RMND1: variants seen among roughly 807,000 people sequenced by gnomAD.
RMND1 encodes required for meiotic nuclear division 1 homolog.
A neutral mutation model predicts 54.0 loss-of-function variants in RMND1; 41 were observed. That is an observed-to-expected ratio of 0.76 (90% CI 0.59 to 0.98). RMND1 has a LOEUF of 0.98. Ranked by LOEUF, RMND1 falls within the 50% of genes least tolerant of loss-of-function variation. The pLI is 0.00. For missense variants in RMND1, 457 were observed against 532.0 expected, an observed-to-expected ratio of 0.86 and a Z score of 1.39; for synonymous variants, 183 against 181.7, an observed-to-expected ratio of 1.01 and a Z score of -0.06.
chr6:151,413,703 G>T lies in RMND1; in HGVS notation c.1200+3576C>A, dbSNP rs1459175773. The T allele has an allele frequency of 2.0e-5, 3 of 152,226 alleles. No homozygotes were observed. In the East Asian group the frequency reaches 5.8e-4, roughly 29 times the overall value. 9.4% of individuals were successfully genotyped at this position (152,226 alleles called of 1,614,324 possible). A position where few individuals can be genotyped will look rare whatever the true frequency, so the allele number is the denominator to read the frequency against. ...CACAGTCGACAACCAGGAAAGTCCAGTGCTTTTCATGTTTGACCAGACAGT... is the reference window on the plus strand; with the variant it reads ...CACAGTCGACAACCAGGAAAGTCCATTGCTTTTCATGTTTGACCAGACAGT... On this transcript the variant is annotated intron_variant, in intron 10 of 11. Coordinates refer to ENST00000444024, the MANE Select transcript of RMND1 (RefSeq NM_017909.4).
intron 10 of RMND1, among the ~76,000 whole-genome samples, chr6:151,407,932 T>C (rs1444948216): frequency 2.0e-5 from 3 of 151,964 alleles, no homozygotes; most frequent in African/African-American, 7.3e-5. Flanking sequence ...AAAGTCACTA[T>C]TACCACAGCA....
chr6:151,444,973 G>GT (rs551276395), intron 2 of RMND1: 136 of 197,806 alleles, frequency 6.9e-4, no homozygotes, highest in East Asian at 9.3e-4. Context: ...TTTCTAGTTT[G>GT]TTTTTTTTTA....
chr6:151,445,523 T>G lies in RMND1; in HGVS notation c.289A>C (p.Thr97Pro). 1 of 1,614,244 alleles carries G rather than the reference T, an allele frequency of 6.2e-7. No homozygotes were observed. The highest frequency in any genetic ancestry group is 8.5e-7 in the Non-Finnish European group (1 of 1,180,042). Residue 97 changes from threonine (T) to proline (P), a missense_variant, in exon 2 of 12, where the codon ACC becomes CCC. Thr to Pro is a conservative substitution (Grantham distance 38). Transcript: ENST00000444024. ...CTGTGAGTACCAAAGGATTTCATGG[T>G]TGGAAGGTGTGCCTTTTCATCTTGG... The part of the protein sequence containing the change: ...RCQDEKAHLP[T>P]MKSFGTHRRV...
chr6:151,446,136 G>A (rs543944576), intron 1 of RMND1: 1 of 237,194 alleles, frequency 4.2e-6, no homozygotes, highest in Non-Finnish European at 8.3e-6. Flanking sequence ...ATAAAAATCT[G>A]TGCTGGCCAG....
At chr6:151,407,762 T>C (rs1380768515) in intron 10 of RMND1, among the ~76,000 whole-genome samples, 1 of 151,792 alleles carries the variant, frequency 6.6e-6, no homozygotes, top group African/African-American at 2.4e-5. Flanking sequence ...AAAAAAATTA[T>C]CCGGGTGTTG....
At chr6:151,419,988 C>G (rs1186623093) in intron 9 of RMND1, among the ~76,000 whole-genome samples, 1 of 151,610 alleles carries the variant, frequency 6.6e-6, no homozygotes, top group Non-Finnish European at 1.5e-5. Context: ...GTTTTTTAAT[C>G]TAATATTATC....
chr6:151,415,920 G>GA (rs1181981465), intron 10 of RMND1, among the ~76,000 whole-genome samples: 1 of 152,118 alleles, frequency 6.6e-6, no homozygotes, highest in African/African-American at 2.4e-5. Flanking sequence ...CGGGTAGGGG[G>GA]AGGGCAGTGT....
At chr6:151,431,697 C>T (rs1780451626) in intron 4 of RMND1, among the ~76,000 whole-genome samples, 1 of 151,836 alleles carries the variant, frequency 6.6e-6, no homozygotes, top group African/African-American at 2.4e-5. Context: ...CAATACACAG[C>T]AAAATTCAAA....
At chr6:151,450,577 TG>T (rs555121094) in intron 1 of RMND1, among the ~76,000 whole-genome samples, 22 of 111,620 alleles carry the variant, frequency 2.0e-4, no homozygotes, top group South Asian at 6.6e-4. Context: ...GGGAGGGAGG[TG>T]GGGGGGTCAG....
chr6:151,412,916 C>CA (rs1562784411), intron 10 of RMND1, among the ~76,000 whole-genome samples: 2 of 152,004 alleles, frequency 1.3e-5, no homozygotes, highest in African/African-American at 4.8e-5. Flanking sequence ...GTCACCCCCC[C>CA]ACCAGGACCC....
chr6:151,433,304 G>T, intron 3 of RMND1, 74 bp from the exon 4 acceptor site: 1 of 864,944 alleles, frequency 1.2e-6, no homozygotes, highest in Non-Finnish European at 1.9e-6. Context: ...TATAAACACT[G>T]TAATAAAGTA....
At chr6:151,423,088 G>A (rs1005059163) in intron 7 of RMND1, among the ~76,000 whole-genome samples, 5 of 152,128 alleles carry the variant, frequency 3.3e-5, no homozygotes, top group African/African-American at 4.8e-5. Context: ...AGTTTTATTC[G>A]GGATGTGGAT....
At chr6:151,416,388 T>C (rs990166775) in intron 10 of RMND1, among the ~76,000 whole-genome samples, 4 of 151,648 alleles carry the variant, frequency 2.6e-5, no homozygotes, top group Non-Finnish European at 5.9e-5. Flanking sequence ...TTCTATGCTC[T>C]TTCCCCATGT....
Position 151,405,169 on chromosome 6 carries a change from C to G in RMND1, c.*66G>C. On this transcript the variant is annotated 3_prime_UTR_variant, in exon 12 of 12. Coordinates refer to ENST00000444024, the MANE Select transcript of RMND1 (RefSeq NM_017909.4). ...ACAGGCATGAGGCACCGCGCCGGGC[C>G]GAACATTTAATTTTTGATTGTAGAA... The G allele has an allele frequency of 6.7e-7, 1 of 1,493,202 alleles. No individual in the cohort carries two copies. Among genetic ancestry groups the G allele is most frequent in the African/African-American group, 1.4e-5 (1 of 72,340 alleles). The allele number at this position is 1,493,202 out of a possible 1,614,324, so 92.5% of individuals were successfully genotyped here. A position where few individuals can be genotyped will look rare whatever the true frequency, so the allele number is the denominator to read the frequency against.
chr6:151,418,858 C>A lies in RMND1; in HGVS notation c.1080-1459G>T, dbSNP rs186674858. Among the ~76,000 whole-genome samples the A allele has an allele frequency of 1.7e-3, 254 of 151,438 alleles. 2 individuals are homozygous for A. Among genetic ancestry groups the A allele is most frequent in the African/African-American group, 5.8e-3 (239 of 41,180 alleles). ...CGATCTTGGCTCACCACAACCTCCA[C>A]CTCTTGGGTTCAAGCAATTCTCCTG... On this transcript the variant is annotated intron_variant, in intron 9 of 11. Coordinates refer to ENST00000444024, the MANE Select transcript of RMND1 (RefSeq NM_017909.4).
chr6:151,412,167 A>G (rs924328358), intron 10 of RMND1, among the ~76,000 whole-genome samples: 4 of 151,912 alleles, frequency 2.6e-5, no homozygotes, highest in African/African-American at 9.7e-5. Context: ...ATGCCCAGCT[A>G]ATTTTTGTAT....
intron 2 of RMND1, among the ~76,000 whole-genome samples, chr6:151,437,204 G>GT (rs1780639211): frequency 6.6e-6 from 1 of 152,120 alleles, no homozygotes; most frequent in South Asian, 2.1e-4. Flanking sequence ...TTTTCAAACT[G>GT]TAAGTCACAA....
At chr6:151,411,787 T>C (rs1031358864) in intron 10 of RMND1, 2 of 152,218 alleles carry the variant, frequency 1.3e-5, no homozygotes, top group African/African-American at 4.8e-5. Flanking sequence ...ATGAGATCAG[T>C]AATGGTTCCA....
intron 10 of RMND1, among the ~76,000 whole-genome samples, chr6:151,408,256 A>G (rs1779696159): frequency 6.6e-6 from 1 of 152,092 alleles, no homozygotes; most frequent in South Asian, 2.1e-4. Context: ...GCATTTTGGG[A>G]GGCCAAGGCA....
Sources: allele counts gnomAD v4.1 joint callset (sites outside exome capture counted in the v4.1 genomes callset), GRCh38; gene constraint gnomAD v4.1.1; transcripts MANE v1.5; gene names NCBI Gene and HGNC (gene_info 2026-07-23, HGNC 2026-07-21).